Variants in PHF3 observed in about 807,000 individuals in gnomAD.
PHF3 encodes PHD finger protein 3.
A neutral mutation model predicts 178.4 loss-of-function variants in PHF3; 41 were observed. The observed-to-expected ratio is 0.23, with a 90% confidence interval of 0.18 to 0.30. PHF3 has a LOEUF of 0.30. Ranked by LOEUF, PHF3 falls within the 10% of genes least tolerant of loss-of-function variation. The probability of loss-of-function intolerance (pLI) is 1.00; values close to 1 mark genes in which losing one functional copy is unlikely to be tolerated. For synonymous variants in PHF3, 842 were observed against 800.5 expected (o/e 1.05, Z -0.88); for missense variants, 2,346 against 2,398.1 (o/e 0.98, Z 0.45).
intron 4 of PHF3, among the ~76,000 whole-genome samples, chr6:63,687,729 C>T (rs997555437): frequency 1.3e-5 from 2 of 152,298 alleles, no homozygotes; most frequent in South Asian, 4.1e-4. Flanking sequence ...TTAATGATGA[C>T]TCATGCTTCA....
Position 63,681,641 on chromosome 6 carries a change from T to C in PHF3, c.406+1480T>C, listed in dbSNP as rs371210244. Among the ~76,000 whole-genome samples the C allele has an allele frequency of 5.7e-4, 87 of 152,262 alleles. 3 individuals carry two copies. The East Asian group carries it at 0.017, about 29-fold the overall frequency. On this transcript the variant is annotated intron_variant, in intron 3 of 15. Coordinates refer to ENST00000262043, the MANE Select transcript of PHF3 (RefSeq NM_001370348.2). ...CTTTCTGTAGTGTTCTATTCATGTT[T>C]CATGGATGTAGTATCTTCTTTTGTC...
chr6:63,721,514 A>C lies in PHF3; in HGVS notation c.*7806A>C. 1 of 1,551,248 alleles carries C rather than the reference A, an allele frequency of 6.4e-7. No homozygotes were observed. Among genetic ancestry groups the C allele is most frequent in the Non-Finnish European group, 8.7e-7 (1 of 1,146,578 alleles). On this transcript the variant is annotated 3_prime_UTR_variant, in exon 16 of 16. Transcript: ENST00000262043. ...TACAGCCTTGAAAACCTACAGGTTC[A>C]TTTTCTATTGCCATGGGATTTACAA... is the stretch of plus-strand genomic sequence containing the variant.
chr6:63,685,727 A>C lies in PHF3; in HGVS notation c.2005A>C (p.Asn669His). 6.2e-7 allele frequency: 1 copy of C among 1,614,110 alleles called. No individual in the cohort carries two copies. The highest frequency in any genetic ancestry group is 8.5e-7 in the Non-Finnish European group (1 of 1,180,026). ...ACTGAAACTGAAAAAACCTGAGAAG[A>C]ACCTACAACCCCGCCAAAGAAGAAG... ...DKLKLKKPEK[N>H]LQPRQRRSSK... Residue 669 changes from asparagine (N) to histidine (H), a missense_variant, in exon 4 of 16, where the codon AAC (asparagine) becomes CAC (histidine). Asn to His is a moderately conservative substitution (Grantham distance 68). Around this residue, in one of 8 missense-constraint regions of PHF3, gnomAD observed 843 missense variants for 795.2 expected, o/e 1.06. Coordinates refer to ENST00000262043, the MANE Select transcript of PHF3 (RefSeq NM_001370348.2).
At chr6:63,656,327 C>T (rs1420653399) in intron 2 of PHF3, among the ~76,000 whole-genome samples, 1 of 152,046 alleles carries the variant, frequency 6.6e-6, no homozygotes, top group African/African-American at 2.4e-5. Flanking sequence ...TTAATCTTGT[C>T]TTCATTACTG....
Position 63,685,009 on chromosome 6 carries a change from T to C in PHF3, c.1287T>C (p.Phe429=). 1.9e-6 allele frequency: 3 copies of C among 1,614,130 alleles called. No homozygotes were observed. Among genetic ancestry groups the C allele is most frequent in the East Asian group, 2.2e-5 (1 of 44,860 alleles). The change falls in exon 4 of 16, where the codon TTT becomes TTC. Residue 429 remains phenylalanine (F), a synonymous_variant. Transcript: ENST00000262043. The part of the protein sequence containing the change: ...SNLEVVDTST[F]GPESNILENA... ...TAGAGGTGGTTGATACTAGTACTTT[T>C]GGACCGGAAAGTAATATCTTGGAAA...
In PHF3 at chr6:63,719,860, C is replaced by A. The variant is rs1768304680; in HGVS notation, c.*6152C>A. On this transcript the variant is annotated 3_prime_UTR_variant, in exon 16 of 16. Coordinates refer to ENST00000262043, the MANE Select transcript of PHF3 (RefSeq NM_001370348.2). ...CAACAGGCTTCTGCACTACTCTTCT[C>A]TCCAGAGGCAACCATTTTTAATTCT... The A allele has an allele frequency of 6.6e-6, 1 of 152,066 alleles. No individual in the cohort carries two copies. Among genetic ancestry groups the A allele is most frequent in the Non-Finnish European group, 1.5e-5 (1 of 67,968 alleles). The allele number at this position is 152,066 out of a possible 1,614,324, so 9.4% of individuals were successfully genotyped here.
intron 2 of PHF3, among the ~76,000 whole-genome samples, chr6:63,674,006 C>G (rs549494180): frequency 2.0e-5 from 3 of 152,062 alleles, no homozygotes; most frequent in African/African-American, 7.2e-5. Flanking sequence ...CAGCCGAATT[C>G]GTTGCTCTTT....
rs1766641859 is a variant in PHF3 at position 63,685,370 on chromosome 6, A to G, written c.1648A>G (p.Lys550Glu). Residue 550 changes from lysine (K) to glutamate (E), a missense_variant, in exon 4 of 16, where the codon AAA becomes GAA. Coordinates refer to ENST00000262043, the MANE Select transcript of PHF3 (RefSeq NM_001370348.2). Reference protein sequence around the residue: ...NFHRPVKVRKKQIDKEPKIQS... With the variant: ...NFHRPVKVRKEQIDKEPKIQS... ...TCATAGGCCAGTCAAAGTCAGAAAA[A>G]AACAAATTGATAAGGAGCCAAAGAT... 1.2e-6 allele frequency: 2 copies of G among 1,614,082 alleles called. No individual in the cohort carries two copies. Among genetic ancestry groups the G allele is most frequent in the Non-Finnish European group, 1.7e-6 (2 of 1,180,012 alleles).
chr6:63,698,750 C>G (rs1767344905), intron 8 of PHF3, 145 bp downstream of exon 8: 3 of 541,874 alleles, frequency 5.5e-6, no homozygotes. Flanking sequence ...TTTTAATAGT[C>G]TTTTTGCTAC....
chr6:63,670,852 A>C (rs907527962), intron 2 of PHF3, among the ~76,000 whole-genome samples: 1 of 152,198 alleles, frequency 6.6e-6, no homozygotes, highest in African/African-American at 2.4e-5. Context: ...ATAGTAGCAT[A>C]ATAGTCTTTT....
intron 5 of PHF3, among the ~76,000 whole-genome samples, chr6:63,693,889 G>T (rs535052656): frequency 1.3e-5 from 2 of 152,274 alleles, no homozygotes; most frequent in East Asian, 1.9e-4. Context: ...TACGTGCCTT[G>T]GGTGTATAAT....
chr6:63,685,966 T>G (rs771229644), intron 4 of PHF3, 55 bp downstream of exon 4: 17 of 1,257,536 alleles, frequency 1.4e-5, no homozygotes, highest in Middle Eastern at 1.9e-4. Flanking sequence ...ATTGCTTTTT[T>G]GGGGGTGGGA....
In PHF3 at chr6:63,722,434, C is replaced by T. The variant is rs558424425; in HGVS notation, c.*8726C>T. Among the ~76,000 whole-genome samples, 1 of 152,222 alleles carries T rather than the reference C, an allele frequency of 6.6e-6. No homozygotes were observed. Among genetic ancestry groups the T allele is most frequent in the East Asian group, 1.9e-4 (1 of 5,172 alleles). On this transcript the variant is annotated 3_prime_UTR_variant, in exon 16 of 16. Coordinates refer to ENST00000262043, the MANE Select transcript of PHF3 (RefSeq NM_001370348.2). ...TCAGTGCCTTAATATCACTAGGTTT[C>T]CCTCCATTACAGTATATCTCATTTT...
intron 2 of PHF3, among the ~76,000 whole-genome samples, chr6:63,676,913 A>G (rs758007863): frequency 9.2e-5 from 14 of 152,138 alleles, no homozygotes; most frequent in Non-Finnish European, 1.3e-4. Flanking sequence ...CAGATGTGTG[A>G]TACATTTTGA....
chr6:63,719,352 TTGA>T lies in PHF3; in HGVS notation c.*5649_*5651del, dbSNP rs1246554047. Among the ~76,000 whole-genome samples, 3 of 152,120 alleles carry T rather than the reference TTGA, an allele frequency of 2.0e-5. No homozygotes were observed. The highest frequency in any genetic ancestry group is 4.8e-5 in the African/African-American group (2 of 41,454). On this transcript the variant is annotated 3_prime_UTR_variant, in exon 16 of 16. Transcript: ENST00000262043. ...TTTTGTAAATCTTTTCTCTAATTAC[TTGA>T]TGATTAATTTCATATTTTTCCTTTT...
At chr6:63,649,985 A>G (rs902282475) in intron 2 of PHF3, among the ~76,000 whole-genome samples, 1 of 152,220 alleles carries the variant, frequency 6.6e-6, no homozygotes, top group African/African-American at 2.4e-5. Context: ...CATTTTACAA[A>G]CAAATGTGTT....
At chr6:63,681,781 T>G (rs1766449880) in intron 3 of PHF3, among the ~76,000 whole-genome samples, 1 of 152,100 alleles carries the variant, frequency 6.6e-6, no homozygotes, top group African/African-American at 2.4e-5. Flanking sequence ...GCCTCCATCT[T>G]TCCTAGATGC....
chr6:63,678,281 A>T (rs1032050626), intron 2 of PHF3, among the ~76,000 whole-genome samples: 6 of 152,048 alleles, frequency 3.9e-5, no homozygotes, highest in African/African-American at 1.4e-4. Context: ...AAACCTGAGG[A>T]TGTATGTGAA....
rs1172777064 is a variant in PHF3 at position 63,713,011 on chromosome 6, T to G, written c.5423T>G (p.Leu1808Arg). The change falls in exon 16 of 16, where the codon CTC becomes CGC. Residue 1808 changes from leucine (L) to arginine (R), a missense_variant. Leu to Arg is a moderately radical substitution (Grantham distance 102, BLOSUM62 -2). This residue lies in a region of PHF3 where 839 missense variants were observed against 806.9 expected (regional missense o/e 1.04). Transcript: ENST00000262043. ...CCACAGCAGCCCAACCTTCAGCATC[T>G]CAAGTCTAGCCCACCTGGATTTCCA... ...MRPQQPNLQH[L>R]KSSPPGFPFP... 1 of 1,613,988 alleles carries G rather than the reference T, an allele frequency of 6.2e-7. No individual in the cohort carries two copies. The highest frequency in any genetic ancestry group is 8.5e-7 in the Non-Finnish European group (1 of 1,179,956).
Sources: allele counts gnomAD v4.1 joint callset (sites outside exome capture counted in the v4.1 genomes callset), GRCh38; gene constraint gnomAD v4.1.1; regional missense constraint gnomAD v4.1.1; transcripts MANE v1.5; gene names NCBI Gene and HGNC (gene_info 2026-07-23, HGNC 2026-07-21).